The following TRAF3IP3 variants were observed in gnomAD, a reference collection of about 807,000 sequenced individuals.
TRAF3IP3 encodes the protein TRAF3-interacting JNK-activating modulator.
TRAF3IP3 carries 64 observed loss-of-function variants against 86.5 expected under a neutral mutation model. The observed-to-expected ratio is 0.74, with a 90% CI of 0.60 to 0.91. The LOEUF (loss-of-function observed/expected upper bound fraction) is 0.91. Among genes scored for constraint, TRAF3IP3 ranks in the 40% least tolerant of loss-of-function variants. The pLI, the probability that TRAF3IP3 is intolerant of heterozygous loss-of-function variation, is 0.00. For missense variants in TRAF3IP3, 579 were observed against 642.9 expected (o/e 0.90, Z 1.07); for synonymous variants, 220 against 243.9 (o/e 0.90, Z 0.91).
intron 2 of TRAF3IP3, 104 bp from the exon 3 acceptor site, chr1:209,759,878 T>A: frequency 1.6e-6 from 1 of 622,252 alleles, no homozygotes; most frequent in East Asian, 2.7e-5. Flanking sequence ...TCAACCCACA[T>A]GGATGGAACT....
intron 2 of TRAF3IP3, among the ~76,000 whole-genome samples, chr1:209,759,387 C>T (rs974948362): frequency 6.6e-6 from 1 of 152,196 alleles, no homozygotes; most frequent in Admixed American, 6.5e-5. Flanking sequence ...GGCTCACAAG[C>T]TCGTTGCTAA....
At chr1:209,771,648 A>G (rs530604008) in intron 8 of TRAF3IP3, among the ~76,000 whole-genome samples, 69 of 113,490 alleles carry the variant, frequency 6.1e-4, no homozygotes, top group African/African-American at 2.3e-3. Flanking sequence ...TGTGCATGTG[A>G]AGGTGTGCAT....
rs1315027986 is a variant in TRAF3IP3, at chr1:209,780,618, A to G, written c.1449+12A>G. 3.2e-6 allele frequency: 5 copies of G among 1,563,662 alleles called. No individual in the cohort carries two copies. Among genetic ancestry groups the G allele is most frequent in the Non-Finnish European group, 3.5e-6 (4 of 1,150,668 alleles). ...CCAAGGAAAAGGAGGTGAGAGGGTG[A>G]CCTGAGATAGTGAGGGCTCATTTGC... On this transcript the variant is annotated intron_variant, in intron 15 of 16. Coordinates refer to ENST00000367025, the MANE Select transcript of TRAF3IP3 (RefSeq NM_025228.4).
intron 12 of TRAF3IP3, 112 bp downstream of exon 12, chr1:209,777,599 G>A (rs1377096710): frequency 8.6e-7 from 1 of 1,157,756 alleles, no homozygotes; most frequent in African/African-American, 1.6e-5. Flanking sequence ...TTGCTTGATT[G>A]GTTGATTGGC....
intron 2 of TRAF3IP3, among the ~76,000 whole-genome samples, chr1:209,759,349 GT>G (rs919303825): frequency 3.3e-5 from 5 of 152,206 alleles, no homozygotes; most frequent in African/African-American, 1.2e-4. Context: ...TTAGGGTAGG[GT>G]TTCCCTCCTA....
At chr1:209,776,380 T>C (rs1015788565) in intron 11 of TRAF3IP3, 1 of 152,214 alleles carries the variant, frequency 6.6e-6, no homozygotes, top group Non-Finnish European at 1.5e-5. Context: ...TTATTTTGCA[T>C]AGATTTATTT....
At position 209,780,604 on chromosome 1, in the gene TRAF3IP3, G is replaced by A; in HGVS notation, c.1447G>A (p.Glu483Lys). ...KTLQLQAKEK[E>K]CRELHSELDN... is the part of the protein sequence containing the mutation. ...TTTGCAGCTCCAGGCCAAGGAAAAG[G>A]AGGTGAGAGGGTGACCTGAGATAGT... Residue 483 changes from glutamate (E) to lysine (K), a missense_variant and splice_region_variant, in exon 15 of 17, where the codon GAG (glutamate) becomes AAG (lysine). Transcript: ENST00000367025. The A allele has an allele frequency of 6.3e-7, 1 of 1,587,228 alleles. No individual in the cohort carries two copies. The highest frequency in any genetic ancestry group is 8.6e-7 in the Non-Finnish European group (1 of 1,164,118).
chr1:209,771,067 T>TGC (rs1434495205), intron 8 of TRAF3IP3, among the ~76,000 whole-genome samples: 2 of 132,994 alleles, frequency 1.5e-5, no homozygotes, highest in African/African-American at 3.0e-5. Flanking sequence ...TGTGGAGGTG[T>TGC]GTGTGCAGGT....
intron 14 of TRAF3IP3, 95 bp downstream of exon 14, chr1:209,779,469 G>GAACTGGCTGGGA: frequency 1.9e-6 from 2 of 1,069,568 alleles, no homozygotes; most frequent in Non-Finnish European, 2.9e-6. Flanking sequence ...TGGAGTCCCA[G>GAACTGGCTGGGA]CCAGTTCTGG....
chr1:209,764,778 A>G (rs1355228191), intron 8 of TRAF3IP3, among the ~76,000 whole-genome samples: 1 of 151,882 alleles, frequency 6.6e-6, no homozygotes, highest in South Asian at 2.1e-4. Flanking sequence ...GGCATGACAC[A>G]GTCTAGTAAA....
Position 209,762,794 on chromosome 1 carries a change from C to T in TRAF3IP3, c.494-19C>T, listed in dbSNP as rs373719712. The T allele has an allele frequency of 2.0e-6, 3 of 1,501,714 alleles. No individual in the cohort carries two copies. The African/African-American group carries it at 6.9e-5, about 34-fold the overall frequency. 93.0% of individuals were successfully genotyped at this position (1,501,714 alleles called of 1,614,324 possible). A position where few individuals can be genotyped will look rare whatever the true frequency, so the allele number is the denominator to read the frequency against. On this transcript the variant is annotated intron_variant, in intron 4 of 16. Coordinates refer to ENST00000367025, the MANE Select transcript of TRAF3IP3 (RefSeq NM_025228.4). Reference sequence around the variant, plus strand: ...TTCCTCCCTGTAAGTTCTAAATCAACTTATCCTCCATCTCTCAGGTACTCA... The same window carrying T: ...TTCCTCCCTGTAAGTTCTAAATCAATTTATCCTCCATCTCTCAGGTACTCA...
Position 209,762,579 on chromosome 1 carries a change from A to T in TRAF3IP3, c.410A>T (p.Asp137Val). The T allele has an allele frequency of 3.3e-6, 5 of 1,503,974 alleles. No homozygotes were observed. The highest frequency in any genetic ancestry group is 4.4e-6 in the Non-Finnish European group (5 of 1,128,772). The allele number at this position is 1,503,974 out of a possible 1,614,324, so 93.2% of individuals were successfully genotyped here. ...QHPPPSGICR[D>V]LSDHLSSQAG... ...CCTCCTCCCTCAGGCATCTGCAGGG[A>T]TCTGTCTGACCACCTCTCCTCACAG... Residue 137 changes from aspartate (D) to valine (V), a missense_variant, in exon 4 of 17, where the codon GAT (aspartate) becomes GTT (valine). Asp to Val is a radical substitution (Grantham distance 152). Coordinates refer to ENST00000367025, the MANE Select transcript of TRAF3IP3 (RefSeq NM_025228.4).
intron 8 of TRAF3IP3, among the ~76,000 whole-genome samples, chr1:209,770,548 GGTGT>G (rs139818084): frequency 0.037 from 5,443 of 148,818 alleles, 475 homozygotes; most frequent in East Asian, 0.28. Flanking sequence ...TGCAGGTGGA[GGTGT>G]GTGTGTCCAG....
At chr1:209,765,227 G>GAGGAAGGAAGGAAGGA (rs60018350) in intron 8 of TRAF3IP3, among the ~76,000 whole-genome samples, 30 of 58,250 alleles carry the variant, frequency 5.2e-4, no homozygotes, top group Admixed American at 4.1e-3. Context: ...GAGAGAGAGA[G>GAGGAAGGAAGGAAGGA]AGGAAGGAAG....
chr1:209,775,882 T>G, intron 11 of TRAF3IP3, 146 bp downstream of exon 11: 1 of 726,496 alleles, frequency 1.4e-6, no homozygotes, highest in Non-Finnish European at 2.2e-6. Context: ...TGTACCAAAT[T>G]CACTGTTTTG....
At chr1:209,760,478 A>G in intron 3 of TRAF3IP3, 94 bp downstream of exon 3, 2 of 1,072,150 alleles carry the variant, frequency 1.9e-6, no homozygotes, top group Non-Finnish European at 2.7e-6. Flanking sequence ...AAGTGACCTA[A>G]ATCAAGTCCT....
In TRAF3IP3 at chr1:209,779,383, A is replaced by G; in HGVS notation, c.1312+9A>G. On this transcript the variant is annotated intron_variant, in intron 14 of 16. Transcript: ENST00000367025. ...ACTCTTAACAAAGAAAGGTCAGCAA[A>G]TTTATTACCACAAATTCTAAGATAT... is the stretch of plus-strand genomic sequence containing the variant. 2 of 1,611,304 alleles carry G rather than the reference A, an allele frequency of 1.2e-6. No homozygotes were observed. Among genetic ancestry groups the G allele is most frequent in the Non-Finnish European group, 1.7e-6 (2 of 1,177,378 alleles).
rs570651167 is a variant in TRAF3IP3 at position 209,763,320 on chromosome 1, G to A, written c.577-43G>A. 6.1e-5 allele frequency: 98 copies of A among 1,605,886 alleles called. 1 individual carries two copies. In the South Asian group the frequency reaches 9.3e-4, roughly 15 times the overall value. On this transcript the variant is annotated intron_variant, in intron 6 of 16. Coordinates refer to ENST00000367025, the MANE Select transcript of TRAF3IP3 (RefSeq NM_025228.4). Reference sequence around the variant, plus strand: ...CTGGTTCTATATCCCAGGGTTTCAGGGGACTTACAGACATTTTGAATACCC... The same window carrying A: ...CTGGTTCTATATCCCAGGGTTTCAGAGGACTTACAGACATTTTGAATACCC...
intron 8 of TRAF3IP3, among the ~76,000 whole-genome samples, chr1:209,772,728 C>T (rs1156634997): frequency 6.6e-6 from 1 of 152,190 alleles, no homozygotes; most frequent in Non-Finnish European, 1.5e-5. Flanking sequence ...AAAAAGAGGA[C>T]TTGAGGCCAG....
Sources: gnomAD v4.1 joint callset for allele counts (sites outside exome capture counted in the v4.1 genomes callset) on GRCh38, gnomAD v4.1.1 for gene constraint, MANE v1.5 for transcripts, NCBI Gene and HGNC (gene_info 2026-07-23, HGNC 2026-07-21) for gene names.